The following DMTN variants were observed in gnomAD, a reference collection of about 807,000 sequenced individuals.
DMTN encodes dematin.
DMTN carries 27 observed loss-of-function variants against 59.4 expected under a neutral mutation model. The ratio of observed to expected loss-of-function variants is 0.45; its 90% CI spans 0.33 to 0.63. The LOEUF is 0.63. DMTN is among the 20% of genes least tolerant of loss of function. DMTN has a pLI of 0.02. For synonymous variants in DMTN, 221 were observed against 203.7 expected (o/e 1.08, Z -0.72); for missense variants, 451 against 528.9 (o/e 0.85, Z 1.45).
At chr8:22,073,064 G>T (rs1274895470) in intron 9 of DMTN, among the ~76,000 whole-genome samples, 1 of 152,206 alleles carries the variant, frequency 6.6e-6, no homozygotes, top group African/African-American at 2.4e-5. Context: ...GCCTCCAGGG[G>T]AGGAGGGAGA....
chr8:22,063,576 C>A (rs1808209238), intron 1 of DMTN, among the ~76,000 whole-genome samples: 1 of 152,164 alleles, frequency 6.6e-6, no homozygotes, highest in Non-Finnish European at 1.5e-5. Context: ...AAATGCATCT[C>A]AACCTCATGA....
intron 10 of DMTN, among the ~76,000 whole-genome samples, chr8:22,076,202 G>T (rs1478973019): frequency 1.3e-5 from 2 of 152,158 alleles, no homozygotes; most frequent in African/African-American, 4.8e-5. Context: ...TGGGTGGAAG[G>T]TGCATCTGGC....
Position 22,080,631 on chromosome 8 carries a change from T to A in DMTN, c.957+6T>A. The A allele has an allele frequency of 1.9e-6, 3 of 1,604,434 alleles. No homozygotes were observed. Among genetic ancestry groups the A allele is most frequent in the South Asian group, 2.2e-5 (2 of 89,942 alleles). ...TCTCTCCCGCAGGCCTGCAGGTGAGTGCCTCCTGGAGGGGAACAGGCAGAG... is the reference window on the plus strand; with the variant it reads ...TCTCTCCCGCAGGCCTGCAGGTGAGAGCCTCCTGGAGGGGAACAGGCAGAG... On this transcript the variant is annotated splice_donor_region_variant and intron_variant, in intron 13 of 15. Transcript: ENST00000358242.
intron 10 of DMTN, among the ~76,000 whole-genome samples, chr8:22,079,273 A>ATATATATATAT (rs1554562329): frequency 2.6e-3 from 75 of 28,532 alleles, no homozygotes; most frequent in African/African-American, 6.1e-3. Context: ...TAAATAAATA[A>ATATATATATAT]ATAAATATAT....
chr8:22,061,973 C>A (rs1164184420), intron 1 of DMTN, among the ~76,000 whole-genome samples: 1 of 151,908 alleles, frequency 6.6e-6, no homozygotes, highest in Non-Finnish European at 1.5e-5. Flanking sequence ...CCCAGGCAGA[C>A]CTCAAACTCC....
Position 22,069,430 on chromosome 8 carries a change from C to T in DMTN, c.306C>T (p.Asp102=), listed in dbSNP as rs762583204. 3 of 1,612,730 alleles carry T rather than the reference C, an allele frequency of 1.9e-6. No homozygotes were observed. The highest frequency in any genetic ancestry group is 2.5e-6 in the Non-Finnish European group (3 of 1,179,394). ...CTTCTGCTCTGCAGGTGTGGGCGGA[C>T]AGCCGGTCGCCTGGAATCATCTCTC... ...SPPPSPEVWA[D]SRSPGIISQA... The change falls in exon 6 of 16, where the codon GAC becomes GAT. Residue 102 remains aspartate, a synonymous_variant. Transcript: ENST00000358242.
chr8:22,049,903 C>T (rs1801168880), upstream of DMTN, among the ~76,000 whole-genome samples: 1 of 152,146 alleles, frequency 6.6e-6, no homozygotes, highest in Admixed American at 6.5e-5. Flanking sequence ...GAAGGGCCCT[C>T]GTCCAGTGAA....
chr8:22,080,564 G>A, intron 12 of DMTN, 54 bp from the exon 13 acceptor site: 2 of 1,613,362 alleles, frequency 1.2e-6, no homozygotes, highest in South Asian at 2.2e-5. Flanking sequence ...GGTCAGGCGT[G>A]TTGGCCTGCT....
upstream of DMTN, among the ~76,000 whole-genome samples, chr8:22,050,597 C>T (rs1434062620): frequency 6.6e-6 from 1 of 151,814 alleles, no homozygotes; most frequent in African/African-American, 2.4e-5. Context: ...AGAAAGCCCT[C>T]ACTGTTTTCT....
intron 1 of DMTN, among the ~76,000 whole-genome samples, chr8:22,064,994 A>T (rs563790091): frequency 1.1e-4 from 16 of 152,188 alleles, no homozygotes; most frequent in Admixed American, 2.6e-4. Flanking sequence ...GGGCAATGAA[A>T]CAAAATAATC....
upstream of DMTN, chr8:22,049,061 C>T (rs1801049359): frequency 7.0e-6 from 1 of 142,722 alleles, no homozygotes; most frequent in South Asian, 2.1e-4. Flanking sequence ...AAAACCCGAG[C>T]CCCCGGAGGG....
intron 3 of DMTN, 82 bp from the exon 4 acceptor site, chr8:22,067,445 A>G (rs1811677910): frequency 6.4e-7 from 1 of 1,558,690 alleles, no homozygotes; most frequent in Non-Finnish European, 8.7e-7. Flanking sequence ...TTTCTTGGTA[A>G]TTGACGTAAG....
At chr8:22,062,258 TAA>T (rs35659625) in intron 1 of DMTN, among the ~76,000 whole-genome samples, 31 of 149,964 alleles carry the variant, frequency 2.1e-4, no homozygotes, top group African/African-American at 2.4e-4. Context: ...CCCAGCTAAT[TAA>T]AAAAAAAAAA....
rs1457300412 is a variant in DMTN at position 22,082,218 on chromosome 8, T to C, written c.*755T>C. 2.2e-6 allele frequency: 1 copy of C among 456,960 alleles called. No homozygotes were observed. Among genetic ancestry groups the C allele is most frequent in the Non-Finnish European group, 4.4e-6 (1 of 227,026 alleles). The allele number at this position is 456,960 out of a possible 1,614,324, so 28.3% of individuals were successfully genotyped here. A position where few individuals can be genotyped will look rare whatever the true frequency, so the allele number is the denominator to read the frequency against. On this transcript the variant is annotated 3_prime_UTR_variant, in exon 16 of 16. Transcript: ENST00000358242. ...TTGGATGGGGTCAAGAGGCCAGGCC[T>C]GGCACATTTTGGAGTGTCCTGGCTA...
At position 22,060,582 on chromosome 8, in the gene DMTN, G is replaced by A. The variant is rs945188363; in HGVS notation, c.-172+3446G>A. On this transcript the variant is annotated intron_variant, in intron 1 of 15. Transcript: ENST00000358242. The surrounding 1 kb of genome is among the most constrained non-coding windows in gnomAD (Gnocchi z 5.0). ...ACGTTTACGTGCAAATGCCCCACAAGGGGTAAGACAAAATTTCTGCCTCTG... is the reference window on the plus strand; with the variant it reads ...ACGTTTACGTGCAAATGCCCCACAAAGGGTAAGACAAAATTTCTGCCTCTG... Among the ~76,000 whole-genome samples, 15 of 152,252 alleles carry A rather than the reference G, an allele frequency of 9.9e-5. No homozygotes were observed. The highest frequency in any genetic ancestry group is 1.8e-4 in the Non-Finnish European group (12 of 68,054).
intron 1 of DMTN, among the ~76,000 whole-genome samples, chr8:22,057,589 G>C (rs1451547151): frequency 1.3e-5 from 2 of 152,178 alleles, no homozygotes; most frequent in South Asian, 2.1e-4. Context: ...CTGCTTTTTA[G>C]GGGGAGTGGG....
chr8:22,069,386 G>A lies in DMTN; in HGVS notation c.295-33G>A, dbSNP rs747897075. The A allele has an allele frequency of 5.7e-6, 9 of 1,586,860 alleles. No homozygotes were observed. The African/African-American group carries it at 8.1e-5, about 14-fold the overall frequency. The stretch of plus-strand genomic sequence containing the variant: ...TGCATGTGTGGGTTGGAGGGGGTTA[G>A]GGGCCCTGGAGCCACACGCTTCTGC... On this transcript the variant is annotated intron_variant, in intron 5 of 15. Coordinates refer to ENST00000358242, the MANE Select transcript of DMTN (RefSeq NM_001387751.1).
rs919270015 is a variant in DMTN at position 22,067,388 on chromosome 8, A to C, written c.94-139A>C. 2.3e-6 allele frequency: 3 copies of C among 1,312,082 alleles called. No homozygotes were observed. In the African/African-American group the frequency reaches 4.5e-5, roughly 20 times the overall value. 81.3% of individuals were successfully genotyped at this position (1,312,082 alleles called of 1,614,324 possible). ...AGGACTATCATGTTTTAAGGTGACTAATTTCTTAAAATAATAGAATTGTTA... is the reference window on the plus strand; with the variant it reads ...AGGACTATCATGTTTTAAGGTGACTCATTTCTTAAAATAATAGAATTGTTA... On this transcript the variant is annotated intron_variant, in intron 3 of 15. Coordinates refer to ENST00000358242, the MANE Select transcript of DMTN (RefSeq NM_001387751.1).
At chr8:22,077,285 A>G (rs557925561) in intron 10 of DMTN, among the ~76,000 whole-genome samples, 2 of 152,166 alleles carry the variant, frequency 1.3e-5, no homozygotes, top group East Asian at 3.8e-4. Flanking sequence ...GATGGAGCTG[A>G]GCCAAAGCCA....
Sources: allele counts gnomAD v4.1 joint callset (sites outside exome capture counted in the v4.1 genomes callset), GRCh38; gene constraint gnomAD v4.1.1; non-coding constraint Gnocchi (gnomAD v3.1); transcripts MANE v1.5; gene names NCBI Gene and HGNC (gene_info 2026-07-23, HGNC 2026-07-21).